Variants in GCSAML observed in about 807,000 individuals in gnomAD.
GCSAML encodes the protein germinal center associated signaling and motility like.
A neutral mutation model predicts 13.0 loss-of-function variants in GCSAML; 9 were observed. The observed-to-expected ratio is 0.69, with a 90% CI of 0.42 to 1.21. The LOEUF is 1.21. Among genes scored for constraint, GCSAML ranks in the 50% most tolerant of loss-of-function variants. The probability of loss-of-function intolerance (pLI) is 0.00; values close to 1 mark genes in which losing one functional copy is unlikely to be tolerated. For missense variants in GCSAML, 143 were observed against 153.4 expected (o/e 0.93, Z 0.36); for synonymous variants, 37 against 52.9 (o/e 0.70, Z 1.31).
intron 1 of GCSAML, among the ~76,000 whole-genome samples, chr1:247,551,597 A>C (rs1667779131): frequency 6.6e-6 from 1 of 152,232 alleles, no homozygotes; most frequent in Admixed American, 6.5e-5. Flanking sequence ...AAGAAGATGC[A>C]GGGGCAAAAG....
chr1:247,524,430 A>G (rs1276295273), intron 1 of GCSAML, among the ~76,000 whole-genome samples: 2 of 152,008 alleles, frequency 1.3e-5, no homozygotes, highest in Admixed American at 6.6e-5. Context: ...CAGTCCCTAG[A>G]CCTCATGTCA....
chr1:247,533,014 G>A (rs555150790), intron 2 of GCSAML, among the ~76,000 whole-genome samples: 52 of 152,194 alleles, frequency 3.4e-4, no homozygotes, highest in African/African-American at 1.1e-3. Flanking sequence ...GGTAGAGGGT[G>A]GTCATTCATG....
At chr1:247,512,497 A>C (rs944045053) in intron 1 of GCSAML, among the ~76,000 whole-genome samples, 1 of 151,998 alleles carries the variant, frequency 6.6e-6, no homozygotes, top group Non-Finnish European at 1.5e-5. Flanking sequence ...CCACCTTCTG[A>C]AGCCTACTTC....
intron 2 of GCSAML, chr1:247,531,264 A>G: frequency 2.4e-6 from 1 of 413,660 alleles, no homozygotes. Context: ...TCGGATACTG[A>G]GGAACAGCTG....
At chr1:247,546,749 G>A (rs1443315061), upstream of GCSAML, among the ~76,000 whole-genome samples, 8 of 151,982 alleles carry the variant, frequency 5.3e-5, no homozygotes, top group Non-Finnish European at 1.2e-4. Context: ...AAATCAATGG[G>A]TGCATGTTTG....
At chr1:247,521,009 A>G (rs895650043) in intron 1 of GCSAML, among the ~76,000 whole-genome samples, 2 of 152,190 alleles carry the variant, frequency 1.3e-5, no homozygotes, top group Non-Finnish European at 2.9e-5. Context: ...ACTACACCAC[A>G]TGCATTTAGT....
chr1:247,568,524 A>G (rs557570625), intron 4 of GCSAML, among the ~76,000 whole-genome samples: 5 of 151,908 alleles, frequency 3.3e-5, no homozygotes, highest in African/African-American at 1.2e-4. Flanking sequence ...GTTCTGTTCC[A>G]TTGGTCTATA....
intron 2 of GCSAML, among the ~76,000 whole-genome samples, chr1:247,560,159 A>G (rs1348325066): frequency 6.6e-6 from 1 of 152,190 alleles, no homozygotes; most frequent in South Asian, 2.1e-4. Context: ...CACAGCCCGG[A>G]CTTAGATAGG....
At chr1:247,570,928 C>G (rs1668584336) in intron 4 of GCSAML, among the ~76,000 whole-genome samples, 1 of 152,124 alleles carries the variant, frequency 6.6e-6, no homozygotes, top group African/African-American at 2.4e-5. Flanking sequence ...ATAGTTAGCT[C>G]TTCTTGTTGC....
rs1282555169 is a variant in GCSAML at position 247,576,104 on chromosome 1, T to C, written c.*1722T>C. 1 of 152,210 alleles carries C rather than the reference T, an allele frequency of 6.6e-6. No individual in the cohort carries two copies. The highest frequency in any genetic ancestry group is 2.4e-5 in the African/African-American group (1 of 41,448). The allele number at this position is 152,210 out of a possible 1,614,324, so 9.4% of individuals were successfully genotyped here. A position where few individuals can be genotyped will look rare whatever the true frequency, so the allele number is the denominator to read the frequency against. ...TGGGATTCAAGTCTAATCATAAAAT[T>C]CACTTATGTTTGATATACACCTTAT... On this transcript the variant is annotated 3_prime_UTR_variant, in exon 5 of 5. Transcript: ENST00000366488.
At chr1:247,567,306 T>C (rs993968459) in intron 4 of GCSAML, among the ~76,000 whole-genome samples, 1 of 152,006 alleles carries the variant, frequency 6.6e-6, no homozygotes, top group Non-Finnish European at 1.5e-5. Flanking sequence ...TAGGTATTTG[T>C]TCTAATGCTC....
chr1:247,576,374 G>A lies in GCSAML; in HGVS notation c.*1992G>A, dbSNP rs188039946. ...AGACTGCACAACACAGTGAGACCTC[G>A]TTTCTACAAATAATTAAAAAATTAG... On this transcript the variant is annotated 3_prime_UTR_variant, in exon 5 of 5. Transcript: ENST00000366488. 2.5e-4 allele frequency: 38 copies of A among 152,108 alleles called. No homozygotes were observed. Among genetic ancestry groups the A allele is most frequent in the African/African-American group, 7.2e-4 (30 of 41,474 alleles). 9.4% of individuals were successfully genotyped at this position (152,108 alleles called of 1,614,324 possible).
intron 1 of GCSAML, among the ~76,000 whole-genome samples, chr1:247,552,012 G>A (rs1336903040): frequency 1.3e-5 from 2 of 152,166 alleles, no homozygotes; most frequent in Non-Finnish European, 2.9e-5. Context: ...TTCTTACACA[G>A]AAAGATACAG....
chr1:247,565,244 GC>G (rs1382051125), intron 3 of GCSAML, among the ~76,000 whole-genome samples: 1 of 152,084 alleles, frequency 6.6e-6, no homozygotes, highest in Non-Finnish European at 1.5e-5. Context: ...TGTAGTCCCA[GC>G]TACTTGGGAG....
rs766612705 is a variant in GCSAML at position 247,574,432 on chromosome 1, A to AGCAGACTCTGGC, written c.*52_*63dup. 1.1e-5 allele frequency: 17 copies of AGCAGACTCTGGC among 1,597,742 alleles called. 1 individual carries two copies. In the East Asian group the frequency reaches 3.6e-4, roughly 34 times the overall value. Reference sequence around the variant, plus strand: ...TCCAGCAATGAAGACAATGCAGAATAGCAGACTCTGGCGAAGTTGTTCACC... The same window carrying AGCAGACTCTGGC: ...TCCAGCAATGAAGACAATGCAGAATAGCAGACTCTGGCGCAGACTCTGGCGAAGTTGTTCACC... On this transcript the variant is annotated 3_prime_UTR_variant, in exon 5 of 5. Coordinates refer to ENST00000366488, the MANE Select transcript of GCSAML (RefSeq NM_145278.5).
At chr1:247,562,083 T>C (rs1668151569) in intron 2 of GCSAML, among the ~76,000 whole-genome samples, 1 of 152,066 alleles carries the variant, frequency 6.6e-6, no homozygotes, top group Non-Finnish European at 1.5e-5. Flanking sequence ...AATAAATACA[T>C]GGAGATTATA....
intron 1 of GCSAML, 153 bp downstream of exon 1, chr1:247,549,373 G>A (rs1667691964): frequency 1.7e-6 from 1 of 584,374 alleles, no homozygotes; most frequent in Admixed American, 3.0e-5. Context: ...GTGACGCCCA[G>A]TTGGCTCCTT....
upstream of GCSAML, among the ~76,000 whole-genome samples, chr1:247,545,547 A>G (rs1667540248): frequency 6.6e-6 from 1 of 152,224 alleles, no homozygotes; most frequent in South Asian, 2.1e-4. Context: ...TAATGATGTT[A>G]AGAAAATGTA....
chr1:247,531,271 G>A, intron 2 of GCSAML: 1 of 433,686 alleles, frequency 2.3e-6, no homozygotes, highest in Non-Finnish European at 4.1e-6. Flanking sequence ...CTGAGGAACA[G>A]CTGAACAACA....
Sources: gnomAD v4.1 joint callset for allele counts (sites outside exome capture counted in the v4.1 genomes callset) on GRCh38, gnomAD v4.1.1 for gene constraint, MANE v1.5 for transcripts, NCBI Gene and HGNC (gene_info 2026-07-23, HGNC 2026-07-21) for gene names.